ATP6V1C2: variants seen among roughly 807,000 people sequenced by gnomAD.
ATP6V1C2 encodes the protein ATPase H+ transporting V1 subunit C2, also known as V-type proton ATPase subunit C 2.
In ATP6V1C2, 45 loss-of-function variants were observed where a neutral mutation model predicts 56.8. The ratio of observed to expected loss-of-function variants is 0.79; its 90% confidence interval spans 0.62 to 1.02. The LOEUF (loss-of-function observed/expected upper bound fraction) is 1.02, where lower values mean the gene tolerates loss of function less well. ATP6V1C2 is among the 50% of genes least tolerant of loss of function. The pLI, the probability that ATP6V1C2 is intolerant of heterozygous loss-of-function variation, is 0.00. For synonymous variants in ATP6V1C2, 220 were observed against 201.3 expected (o/e 1.09, Z -0.79); for missense variants, 463 against 519.7 (o/e 0.89, Z 1.06).
At chr2:10,736,026 C>T (rs1452936454) in intron 3 of ATP6V1C2, among the ~76,000 whole-genome samples, 1 of 152,182 alleles carries the variant, frequency 6.6e-6, no homozygotes, top group African/African-American at 2.4e-5. Flanking sequence ...TAAGGCTGAA[C>T]ACGTTAACTC....
At chr2:10,760,769 C>T (rs1663863647) in intron 4 of ATP6V1C2, among the ~76,000 whole-genome samples, 2 of 152,212 alleles carry the variant, frequency 1.3e-5, no homozygotes, top group African/African-American at 4.8e-5. Flanking sequence ...GGAGGAGTTA[C>T]AGGGCAGGGG....
At chr2:10,772,121 G>A (rs891456983) in intron 7 of ATP6V1C2, among the ~76,000 whole-genome samples, 184 bp downstream of exon 7, 4 of 152,208 alleles carry the variant, frequency 2.6e-5, no homozygotes, top group African/African-American at 9.7e-5. Context: ...GGTGATGGTG[G>A]TTGTGGCCAC....
chr2:10,771,986 G>A (rs377527230), intron 7 of ATP6V1C2, 49 bp downstream of exon 7: 69 of 1,528,470 alleles, frequency 4.5e-5, no homozygotes, highest in Non-Finnish European at 6.0e-5. Context: ...CAGTGGAGAG[G>A]AAGGTGGACC....
intron 3 of ATP6V1C2, among the ~76,000 whole-genome samples, chr2:10,727,838 G>A (rs1311537585): frequency 6.6e-6 from 1 of 151,770 alleles, no homozygotes; most frequent in Non-Finnish European, 1.5e-5. Flanking sequence ...GGGGGGATGG[G>A]GGTTGCAGTG....
chr2:10,730,225 C>T (rs1267699800), intron 3 of ATP6V1C2, among the ~76,000 whole-genome samples: 2 of 152,146 alleles, frequency 1.3e-5, no homozygotes, highest in South Asian at 4.1e-4. Flanking sequence ...AAGTGATTCT[C>T]CTGCTTCAGT....
chr2:10,782,887 C>T lies in ATP6V1C2; in HGVS notation c.1195-287C>T, dbSNP rs1418540536. On this transcript the variant is annotated intron_variant, in intron 13 of 13. Transcript: ENST00000272238. ...AATTTGCCAGGAGTGGTGGTGCATG[C>T]CTGTAATCCCAGCTACTTGGGAGTC... 2.0e-5 allele frequency among the ~76,000 whole-genome samples: 3 copies of T among 147,420 alleles called. No individual in the cohort carries two copies. In the Admixed American group the frequency reaches 2.0e-4, roughly 10 times the overall value.
intron 5 of ATP6V1C2, among the ~76,000 whole-genome samples, chr2:10,767,065 GA>G (rs1443437873): frequency 6.7e-6 from 1 of 148,454 alleles, no homozygotes; most frequent in Non-Finnish European, 1.5e-5. Flanking sequence ...ATTTTATTAA[GA>G]AAAATGGCAA....
chr2:10,737,514 A>G (rs995715749), intron 3 of ATP6V1C2, among the ~76,000 whole-genome samples: 18 of 151,714 alleles, frequency 1.2e-4, no homozygotes, highest in African/African-American at 4.4e-4. Context: ...TATATTGCCT[A>G]TTTTTCTAAG....
intron 2 of ATP6V1C2, among the ~76,000 whole-genome samples, chr2:10,725,512 T>TG (rs1553322669): frequency 2.2e-5 from 3 of 134,730 alleles, no homozygotes; most frequent in African/African-American, 8.0e-5. Flanking sequence ...TTTTTTTTTT[T>TG]GAGATGCAGT....
rs192752680 is a variant in ATP6V1C2, at chr2:10,776,660, G to A, written c.826-925G>A. On this transcript the variant is annotated intron_variant, in intron 10 of 13. Transcript: ENST00000272238. ...AACCCCCTGCGCAGTATCTCTGGACGGGGCTAGACCGTGGCAGCCTCCACA... is the reference window on the plus strand; with the variant it reads ...AACCCCCTGCGCAGTATCTCTGGACAGGGCTAGACCGTGGCAGCCTCCACA... 3.3e-5 allele frequency among the ~76,000 whole-genome samples: 5 copies of A among 152,346 alleles called. No homozygotes were observed. The East Asian group carries it at 5.8e-4, about 18-fold the overall frequency.
intron 3 of ATP6V1C2, among the ~76,000 whole-genome samples, chr2:10,737,304 CTTAT>C: frequency 6.7e-6 from 1 of 148,180 alleles, no homozygotes; most frequent in African/African-American, 2.5e-5. Context: ...GTGGTGGGTG[CTTAT>C]AATCCCAGCT....
intron 12 of ATP6V1C2, among the ~76,000 whole-genome samples, chr2:10,779,195 C>G (rs984455276): frequency 2.6e-5 from 4 of 151,752 alleles, no homozygotes; most frequent in African/African-American, 9.7e-5. Context: ...ACCTCCACCT[C>G]TCAGGTTCAA....
intron 3 of ATP6V1C2, among the ~76,000 whole-genome samples, chr2:10,752,714 G>A (rs973910053): frequency 6.6e-6 from 1 of 152,160 alleles, no homozygotes; most frequent in South Asian, 2.1e-4. Flanking sequence ...AGCTAAAATC[G>A]GCAGGGTGCG....
intron 3 of ATP6V1C2, among the ~76,000 whole-genome samples, chr2:10,751,162 C>G (rs1182268934): frequency 1.3e-5 from 2 of 152,104 alleles, no homozygotes; most frequent in African/African-American, 4.8e-5. Flanking sequence ...GGTGGAGAGA[C>G]ATTGTCACAA....
chr2:10,735,396 C>G (rs543177193), intron 3 of ATP6V1C2, among the ~76,000 whole-genome samples: 198 of 152,282 alleles, frequency 1.3e-3, no homozygotes, highest in Non-Finnish European at 2.5e-3. Context: ...TCTTGAACTC[C>G]TGACCTCATG....
Position 10,784,236 on chromosome 2 carries a change from T to A in ATP6V1C2, c.*973T>A. 1.3e-6 allele frequency: 2 copies of A among 1,597,154 alleles called. No individual in the cohort carries two copies. Among genetic ancestry groups the A allele is most frequent in the Admixed American group, 1.7e-5 (1 of 58,356 alleles). ...ACTGGCTCCCAAGAAAAGAAAATGGTCTGAAGCCTCTGTTGTGGCTCTCAC... is the reference window on the plus strand; with the variant it reads ...ACTGGCTCCCAAGAAAAGAAAATGGACTGAAGCCTCTGTTGTGGCTCTCAC... On this transcript the variant is annotated 3_prime_UTR_variant, in exon 14 of 14. Coordinates refer to ENST00000272238, the MANE Select transcript of ATP6V1C2 (RefSeq NM_001039362.2).
intron 3 of ATP6V1C2, among the ~76,000 whole-genome samples, chr2:10,726,903 T>C (rs1449761118): frequency 2.0e-5 from 3 of 152,114 alleles, no homozygotes; most frequent in Non-Finnish European, 4.4e-5. Flanking sequence ...TAAATGCTCA[T>C]AGCACAAAAT....
intron 3 of ATP6V1C2, among the ~76,000 whole-genome samples, chr2:10,735,495 C>T (rs556759745): frequency 4.8e-4 from 73 of 152,180 alleles, no homozygotes; most frequent in African/African-American, 1.5e-3. Context: ...TAATTACCCA[C>T]GTGGCTTGAA....
chr2:10,757,285 T>C (rs1663613248), intron 4 of ATP6V1C2: 1 of 376,072 alleles, frequency 2.7e-6, no homozygotes, highest in East Asian at 3.8e-5. Context: ...AGTGCTAGGA[T>C]TACAGGCGTG....
Sources: allele counts gnomAD v4.1 joint callset (sites outside exome capture counted in the v4.1 genomes callset), GRCh38; gene constraint gnomAD v4.1.1; transcripts MANE v1.5; gene names NCBI Gene and HGNC (gene_info 2026-07-23, HGNC 2026-07-21).